The following NRXN1 variants were observed in gnomAD, a reference collection of about 807,000 sequenced individuals.
NRXN1 encodes neurexin-1.
Under a neutral mutation model 150.9 loss-of-function variants are expected in NRXN1, and 39 were observed. The observed-to-expected ratio is 0.26, with a 90% CI of 0.20 to 0.34. The LOEUF (loss-of-function observed/expected upper bound fraction) is 0.34, where lower values mean the gene tolerates loss of function less well. Ranked by LOEUF, NRXN1 falls within the 10% of genes least tolerant of loss-of-function variation. The pLI, the probability that NRXN1 is intolerant of heterozygous loss-of-function variation, is 1.00. For missense variants in NRXN1, 1,815 were observed against 1,949.9 expected, an observed-to-expected ratio of 0.93 and a Z score of 1.30; for synonymous variants, 924 against 757.0, an observed-to-expected ratio of 1.22 and a Z score of -3.62.
At chr2:50,073,025 C>T (rs1696536337) in intron 19 of NRXN1, among the ~76,000 whole-genome samples, 1 of 152,196 alleles carries the variant, frequency 6.6e-6, no homozygotes, top group Non-Finnish European at 1.5e-5. Flanking sequence ...CAAACTTTGT[C>T]TATGCCTTTG....
intron 17 of NRXN1, among the ~76,000 whole-genome samples, chr2:50,331,919 G>A (rs936681478): frequency 1.3e-5 from 2 of 152,104 alleles, no homozygotes; most frequent in African/African-American, 4.8e-5. Context: ...ATTTAGAAAT[G>A]CAAATTCTTG....
chr2:50,329,666 TA>T (rs2076692134), intron 17 of NRXN1, among the ~76,000 whole-genome samples: 3 of 25,490 alleles, frequency 1.2e-4, no homozygotes, highest in Admixed American at 6.7e-4. Flanking sequence ...TATATATATA[TA>T]TATATATTTT....
chr2:50,933,055 C>CA (rs1247905183), intron 2 of NRXN1, among the ~76,000 whole-genome samples: 2 of 151,528 alleles, frequency 1.3e-5, no homozygotes, highest in South Asian at 2.1e-4. Flanking sequence ...CAAAACAAAA[C>CA]AAAAAAACAC....
chr2:50,828,415 G>T (rs865920413), intron 5 of NRXN1, among the ~76,000 whole-genome samples: 2 of 150,302 alleles, frequency 1.3e-5, no homozygotes, highest in African/African-American at 2.5e-5. Context: ...GGGCGGAGGG[G>T]CTCCTCACTT....
rs567414311 is a variant in NRXN1 at position 49,987,387 on chromosome 2, C to T, written c.4129-43596G>A. Among the ~76,000 whole-genome samples the T allele has an allele frequency of 3.3e-5, 5 of 152,318 alleles. No individual in the cohort carries two copies. The South Asian group carries it at 1.0e-3, about 32-fold the overall frequency. On this transcript the variant is annotated intron_variant, in intron 21 of 22. Transcript: ENST00000401669. ...CTTCTAGATCATATTTTGAGAAACACTGCTCTGTTTTTATAATATTTAGAG... is the reference window on the plus strand; with the variant it reads ...CTTCTAGATCATATTTTGAGAAACATTGCTCTGTTTTTATAATATTTAGAG...
intron 2 of NRXN1, among the ~76,000 whole-genome samples, chr2:50,930,281 A>C (rs1381793775): frequency 6.6e-6 from 1 of 152,224 alleles, no homozygotes; most frequent in East Asian, 1.9e-4. Flanking sequence ...ATCACACTAG[A>C]AACACTTAAA....
At chr2:50,872,715 G>A (rs1211012707) in intron 5 of NRXN1, among the ~76,000 whole-genome samples, 1 of 151,828 alleles carries the variant, frequency 6.6e-6, no homozygotes, top group African/African-American at 2.4e-5. Flanking sequence ...CACTTTGGGA[G>A]GCAAAGGTGC....
At chr2:50,139,820 ATC>A (rs1210728098) in intron 18 of NRXN1, among the ~76,000 whole-genome samples, 4 of 152,232 alleles carry the variant, frequency 2.6e-5, no homozygotes, top group Admixed American at 2.6e-4. Flanking sequence ...GAAAAGAGTC[ATC>A]AAGGAAAAAA....
chr2:50,904,284 A>G (rs1683356484), intron 5 of NRXN1, among the ~76,000 whole-genome samples: 1 of 152,206 alleles, frequency 6.6e-6, no homozygotes, highest in African/African-American at 2.4e-5. Context: ...AAAATGACAT[A>G]AAATAAAGCT....
chr2:50,496,113 G>A lies in NRXN1; in HGVS notation c.2880-18C>T, dbSNP rs1247830714. On this transcript the variant is annotated intron_variant, in intron 14 of 22. Coordinates refer to ENST00000401669, the MANE Select transcript of NRXN1 (RefSeq NM_001330078.2). ...GTAAGTACCTGGGAAAAAAATGAAA[G>A]AGGGGAAAGTGCCATCACTTTTTAA... The A allele has an allele frequency of 1.3e-6, 2 of 1,568,448 alleles. No individual in the cohort carries two copies. Among genetic ancestry groups the A allele is most frequent in the South Asian group, 1.2e-5 (1 of 85,490 alleles).
intron 19 of NRXN1, among the ~76,000 whole-genome samples, chr2:50,063,798 G>A (rs1694935401): frequency 6.6e-6 from 1 of 152,002 alleles, no homozygotes; most frequent in East Asian, 1.9e-4. Context: ...TTGTGAGCAG[G>A]AACCATGTCT....
intron 19 of NRXN1, among the ~76,000 whole-genome samples, chr2:50,080,246 T>G (rs1375528525): frequency 1.3e-5 from 2 of 152,252 alleles, no homozygotes; most frequent in Non-Finnish European, 2.9e-5. Context: ...CGCAGAACTT[T>G]TATTATGGCA....
At chr2:50,756,496 C>G (rs1701169047) in intron 5 of NRXN1, among the ~76,000 whole-genome samples, 1 of 151,734 alleles carries the variant, frequency 6.6e-6, no homozygotes, top group South Asian at 2.1e-4. Context: ...TTATCAAGAA[C>G]TTGCAAATTT....
chr2:50,521,944 G>A (rs1203011846), intron 12 of NRXN1, among the ~76,000 whole-genome samples: 2 of 152,114 alleles, frequency 1.3e-5, no homozygotes, highest in East Asian at 1.9e-4. Flanking sequence ...ACAAGGATAA[G>A]TAATAGATTC....
intron 17 of NRXN1, among the ~76,000 whole-genome samples, chr2:50,293,269 A>G (rs1442856553): frequency 6.6e-6 from 1 of 151,798 alleles, no homozygotes; most frequent in African/African-American, 2.4e-5. Flanking sequence ...CATCTCTCAG[A>G]CCACTTCTGA....
At chr2:50,545,468 C>T (rs1001244961) in intron 9 of NRXN1, among the ~76,000 whole-genome samples, 3 of 152,112 alleles carry the variant, frequency 2.0e-5, no homozygotes, top group African/African-American at 7.2e-5. Flanking sequence ...CTACTGATGC[C>T]ATAGTCCAGA....
intron 5 of NRXN1, among the ~76,000 whole-genome samples, chr2:50,799,675 T>C (rs1574514862): frequency 1.3e-5 from 2 of 152,324 alleles, no homozygotes; most frequent in East Asian, 1.9e-4. Flanking sequence ...ATAGGCTTTG[T>C]ATTAGATGAA....
intron 17 of NRXN1, among the ~76,000 whole-genome samples, chr2:50,311,457 C>G (rs1175365678): frequency 6.6e-6 from 1 of 151,870 alleles, no homozygotes; most frequent in African/African-American, 2.4e-5. Flanking sequence ...TTTCTAAATC[C>G]CCAGGAGCTC....
rs372755926 is a variant in NRXN1, at chr2:49,933,968, G to A, written c.4216+9736C>T. ...GGTGGCAAAAATGGTCCTTTGCATT[G>A]TAGGGCATGTTGTTTCAGGCCATTA... is the stretch of plus-strand genomic sequence containing the variant. On this transcript the variant is annotated intron_variant, in intron 22 of 22. Transcript: ENST00000401669. 6.5e-4 allele frequency among the ~76,000 whole-genome samples: 99 copies of A among 152,310 alleles called. 2 individuals carry two copies. The South Asian group carries it at 0.013, about 20-fold the overall frequency.
Sources: allele counts gnomAD v4.1 joint callset (sites outside exome capture counted in the v4.1 genomes callset), GRCh38; gene constraint gnomAD v4.1.1; transcripts MANE v1.5; gene names NCBI Gene and HGNC (gene_info 2026-07-23, HGNC 2026-07-21).